Variants in DNAH3 observed in about 807,000 individuals in gnomAD.
DNAH3 encodes the protein axonemal beta dynein heavy chain 3.
DNAH3 carries 332 observed loss-of-function variants against 432.5 expected under a neutral mutation model. The ratio of observed to expected loss-of-function variants is 0.77; its 90% CI spans 0.70 to 0.84. The LOEUF (loss-of-function observed/expected upper bound fraction) is 0.84. DNAH3 is among the 40% of genes least tolerant of loss of function. The pLI, the probability that DNAH3 is intolerant of heterozygous loss-of-function variation, is 0.00. For synonymous variants in DNAH3, 1,956 were observed against 1,900.2 expected, an observed-to-expected ratio of 1.03 and a Z score of -0.76; for missense variants, 4,861 against 5,114.0, an observed-to-expected ratio of 0.95 and a Z score of 1.51.
chr16:20,964,478 C>A (rs578050608), exon 53 of DNAH3: 9 of 1,614,094 alleles, frequency 5.6e-6, no homozygotes, highest in Non-Finnish European at 7.6e-6. Context: ...TCGATAGAAG[C>A]ATCCAGCTCT....
intron 56 of DNAH3, among the ~76,000 whole-genome samples, chr16:20,948,957 C>CAG: frequency 6.6e-6 from 1 of 152,030 alleles, no homozygotes; most frequent in Non-Finnish European, 1.5e-5. Flanking sequence ...GCTCAGCCAG[C>CAG]AGAGAGAGAG....
intron 49 of DNAH3, among the ~76,000 whole-genome samples, chr16:20,979,940 G>C (rs2085779434): frequency 6.6e-6 from 1 of 151,336 alleles, no homozygotes; most frequent in Non-Finnish European, 1.5e-5. Flanking sequence ...AGTAGAGGCA[G>C]AGTTTCACCA....
At chr16:21,028,297 G>A (rs924022700) in intron 37 of DNAH3, among the ~76,000 whole-genome samples, 6 of 152,036 alleles carry the variant, frequency 3.9e-5, no homozygotes, top group Non-Finnish European at 7.4e-5. Flanking sequence ...TCCTGTCTCT[G>A]CCTCCCAAAG....
intron 57 of DNAH3, 29 bp downstream of exon 57, chr16:20,948,454 A>G: frequency 6.2e-7 from 1 of 1,607,068 alleles, no homozygotes; most frequent in Non-Finnish European, 8.5e-7. Flanking sequence ...TGTGGGGGAA[A>G]GAGGTAGGCC....
chr16:21,025,840 T>C (rs920130944), intron 38 of DNAH3, among the ~76,000 whole-genome samples: 1 of 151,906 alleles, frequency 6.6e-6, no homozygotes, highest in Non-Finnish European at 1.5e-5. Flanking sequence ...TTCAAGCAAT[T>C]CTCCTGCCTC....
At chr16:21,027,739 G>A (rs2088646444) in intron 37 of DNAH3, among the ~76,000 whole-genome samples, 1 of 152,206 alleles carries the variant, frequency 6.6e-6, no homozygotes, top group Non-Finnish European at 1.5e-5. Context: ...GGTTGAGTGA[G>A]CTGCAATTTT....
At chr16:21,098,438 C>CAAAA (rs57032212) in intron 17 of DNAH3, among the ~76,000 whole-genome samples, 178 bp downstream of exon 17, 75 of 62,838 alleles carry the variant, frequency 1.2e-3, no homozygotes, top group African/African-American at 3.4e-3. Flanking sequence ...GACCTTGTCT[C>CAAAA]AAAAAAAAAA....
chr16:20,975,415 C>A (rs765167020), exon 51 of DNAH3: 2 of 1,613,104 alleles, frequency 1.2e-6, no homozygotes, highest in East Asian at 2.2e-5. Context: ...ATAACCGCTA[C>A]CTAGCAAGGA....
chr16:21,142,043 A>G (rs553401548), intron 3 of DNAH3, among the ~76,000 whole-genome samples: 1 of 149,950 alleles, frequency 6.7e-6, no homozygotes, highest in South Asian at 2.1e-4. Context: ...ACAGAGTGAG[A>G]CTCCGTCTCA....
chr16:20,955,339 T>G (rs185102215), intron 54 of DNAH3, among the ~76,000 whole-genome samples: 17 of 152,272 alleles, frequency 1.1e-4, no homozygotes, highest in African/African-American at 3.8e-4. Flanking sequence ...AGGGACTTAC[T>G]ACCTCTTTTA....
intron 36 of DNAH3, among the ~76,000 whole-genome samples, chr16:21,033,079 G>C (rs557526711): frequency 6.6e-6 from 1 of 152,004 alleles, no homozygotes; most frequent in African/African-American, 2.4e-5. Context: ...TGATCCGCCC[G>C]CCTTGGCCCC....
intron 41 of DNAH3, among the ~76,000 whole-genome samples, chr16:21,013,719 CAAAAAAAAAAAAA>C (rs557641711): frequency 1.1e-4 from 5 of 47,428 alleles, no homozygotes; most frequent in Non-Finnish European, 2.0e-4. Flanking sequence ...AACTCCATCT[CAAAAAAAAAAAAA>C]AAAAAAAACT....
At chr16:21,112,161 A>C in intron 12 of DNAH3, 63 bp from the exon 13 acceptor site, 1 of 1,131,240 alleles carries the variant, frequency 8.8e-7, no homozygotes, top group Non-Finnish European at 1.3e-6. Flanking sequence ...CAGATGAGTC[A>C]GAGTGGCAAA....
chr16:20,946,491 G>C (rs372354877), intron 57 of DNAH3, among the ~76,000 whole-genome samples: 1 of 152,110 alleles, frequency 6.6e-6, no homozygotes, highest in African/African-American at 2.4e-5. Context: ...GCTGTGTCAC[G>C]GGCCATGGTC....
intron 42 of DNAH3, 30 bp downstream of exon 42, chr16:21,003,074 A>G (rs1254543329): frequency 7.0e-7 from 1 of 1,438,784 alleles, no homozygotes; most frequent in East Asian, 2.3e-5. Context: ...CTGGAAACCA[A>G]AGTTCCATGG....
At chr16:20,989,891 G>A (rs911793194) in intron 44 of DNAH3, among the ~76,000 whole-genome samples, 2 of 152,250 alleles carry the variant, frequency 1.3e-5, no homozygotes, top group African/African-American at 2.4e-5. Context: ...CGGGTGCTAA[G>A]TCCCTCATTG....
chr16:21,094,479 T>C (rs888950808), intron 18 of DNAH3, among the ~76,000 whole-genome samples: 4 of 152,128 alleles, frequency 2.6e-5, no homozygotes, highest in African/African-American at 9.7e-5. Context: ...GAGATCAGCC[T>C]GGCCAACATG....
chr16:20,987,182 T>C, intron 47 of DNAH3, 123 bp downstream of exon 47: 1 of 1,219,126 alleles, frequency 8.2e-7, no homozygotes. Flanking sequence ...TCAATACTGT[T>C]TCCCGAGATT....
chr16:21,004,705 C>T (rs1469768265), intron 41 of DNAH3, among the ~76,000 whole-genome samples: 3 of 151,820 alleles, frequency 2.0e-5, no homozygotes, highest in African/African-American at 7.3e-5. Context: ...TTCTCTCCCT[C>T]CATCCTTCCT....
Sources: gnomAD v4.1 joint callset for allele counts (sites outside exome capture counted in the v4.1 genomes callset) on GRCh38, gnomAD v4.1.1 for gene constraint, MANE v1.5 for transcripts, NCBI Gene and HGNC (gene_info 2026-07-23, HGNC 2026-07-21) for gene names.